Variants in KCNK10 observed in about 807,000 individuals in gnomAD.
KCNK10 encodes potassium channel subfamily K member 10.
A neutral mutation model predicts 47.7 loss-of-function variants in KCNK10; 25 were observed. The ratio of observed to expected loss-of-function variants is 0.52; its 90% confidence interval spans 0.38 to 0.73. KCNK10 has a LOEUF of 0.73. Among genes scored for constraint, KCNK10 ranks in the 30% least tolerant of loss-of-function variants. The pLI, the probability that KCNK10 is intolerant of heterozygous loss-of-function variation, is 0.00. For synonymous variants in KCNK10, 303 were observed against 285.6 expected (o/e 1.06, Z -0.61); for missense variants, 563 against 714.5 (o/e 0.79, Z 2.42).
intron 4 of KCNK10, among the ~76,000 whole-genome samples, chr14:88,195,875 G>A (rs1884895968): frequency 6.6e-6 from 1 of 152,178 alleles, no homozygotes; most frequent in African/African-American, 2.4e-5. Flanking sequence ...CTTACAGAAT[G>A]GAGCTGTGTT....
At chr14:88,297,222 A>G (rs1226921733) in intron 1 of KCNK10, among the ~76,000 whole-genome samples, 1 of 152,244 alleles carries the variant, frequency 6.6e-6, no homozygotes, top group African/African-American at 2.4e-5. Flanking sequence ...TCATTTTAAA[A>G]GGAAAGTTGC....
At chr14:88,206,752 T>C (rs1045896874) in intron 4 of KCNK10, among the ~76,000 whole-genome samples, 2 of 152,376 alleles carry the variant, frequency 1.3e-5, no homozygotes, top group East Asian at 3.9e-4. Context: ...TTACTTTCCA[T>C]TTATTTCTCC....
intron 4 of KCNK10, among the ~76,000 whole-genome samples, chr14:88,212,778 C>T (rs149487725): frequency 1.3e-5 from 2 of 152,336 alleles, no homozygotes; most frequent in African/African-American, 2.4e-5. Context: ...ACAAATGCAG[C>T]TCCTCTCAGA....
chr14:88,287,833 C>T (rs1285329826), intron 1 of KCNK10, among the ~76,000 whole-genome samples: 2 of 151,828 alleles, frequency 1.3e-5, no homozygotes, highest in African/African-American at 4.8e-5. Flanking sequence ...GTATCTTTTT[C>T]GTATAATGAC....
intron 2 of KCNK10, among the ~76,000 whole-genome samples, chr14:88,248,148 C>T (rs1323921857): frequency 6.6e-6 from 1 of 152,164 alleles, no homozygotes; most frequent in Non-Finnish European, 1.5e-5. Flanking sequence ...GCTCTCTCTG[C>T]ACTTGAGATC....
At position 88,269,417 on chromosome 14, in the gene KCNK10, A is replaced by T. The variant is rs116396240; in HGVS notation, c.53-5866T>A. 1.0e-2 allele frequency among the ~76,000 whole-genome samples: 1,516 copies of T among 152,274 alleles called. 25 individuals are homozygous for T. The highest frequency in any genetic ancestry group is 0.035 in the African/African-American group (1,455 of 41,560). On this transcript the variant is annotated intron_variant, in intron 1 of 6. Coordinates refer to ENST00000319231, the MANE Select transcript of KCNK10 (RefSeq NM_138317.3). ...ATGGAAGAATTAACAAAGATCTTAC[A>T]CGTGCATGAAGCTGTTTTTGTTTTG...
chr14:88,255,764 G>A (rs1886937167), intron 2 of KCNK10, among the ~76,000 whole-genome samples: 1 of 152,098 alleles, frequency 6.6e-6, no homozygotes, highest in African/African-American at 2.4e-5. Context: ...GGAGGCTGAG[G>A]CAGGAGGATT....
At chr14:88,188,217 T>A in intron 5 of KCNK10, 108 bp from the exon 6 acceptor site, 1 of 1,332,768 alleles carries the variant, frequency 7.5e-7, no homozygotes. Flanking sequence ...TGTTTAACAC[T>A]CAGCTGTTAG....
chr14:88,270,276 C>T (rs888770704), intron 1 of KCNK10, among the ~76,000 whole-genome samples: 14 of 152,160 alleles, frequency 9.2e-5, no homozygotes, highest in African/African-American at 3.1e-4. Context: ...AGATGAGGAG[C>T]GCAGGATTCC....
At chr14:88,208,447 T>C (rs1457177068) in intron 4 of KCNK10, among the ~76,000 whole-genome samples, 10 of 152,204 alleles carry the variant, frequency 6.6e-5, no homozygotes, top group Non-Finnish European at 1.5e-4. Flanking sequence ...AGACACCTAA[T>C]ATAAATACAG....
intron 1 of KCNK10, among the ~76,000 whole-genome samples, chr14:88,310,241 A>ATATGGTATATGATATACCATATC: frequency 1.1e-4 from 1 of 9,338 alleles, no homozygotes; most frequent in Non-Finnish European, 2.0e-4. Flanking sequence ...TATACCATAT[A>ATATGGTATATGATATACCATATC]AATGATATGC....
intron 2 of KCNK10, among the ~76,000 whole-genome samples, chr14:88,247,162 C>A (rs986865236): frequency 5.9e-5 from 9 of 152,192 alleles, no homozygotes; most frequent in Non-Finnish European, 8.8e-5. Flanking sequence ...ACTTTGAGTT[C>A]TTTTTTCTCT....
At chr14:88,259,216 C>A (rs772873200) in intron 2 of KCNK10, among the ~76,000 whole-genome samples, 2 of 152,212 alleles carry the variant, frequency 1.3e-5, no homozygotes, top group African/African-American at 2.4e-5. Flanking sequence ...TGGACACTTT[C>A]ATCCTTGTGA....
chr14:88,218,537 C>A (rs1885696372), intron 4 of KCNK10, among the ~76,000 whole-genome samples: 1 of 151,312 alleles, frequency 6.6e-6, no homozygotes, highest in South Asian at 2.1e-4. Context: ...TCTGCCATAT[C>A]CTTGGGGCGG....
chr14:88,325,793 T>G (rs537911790), upstream of KCNK10, among the ~76,000 whole-genome samples: 242 of 152,308 alleles, frequency 1.6e-3, 1 homozygote, highest in Non-Finnish European at 2.8e-3. Flanking sequence ...AACTGCACCC[T>G]TAGGATGCAA....
At chr14:88,279,256 C>T (rs1443244517) in intron 1 of KCNK10, among the ~76,000 whole-genome samples, 1 of 152,050 alleles carries the variant, frequency 6.6e-6, no homozygotes, top group South Asian at 2.1e-4. Flanking sequence ...GACATAATTT[C>T]CTTTGAGGTC....
chr14:88,201,614 C>T (rs948628464), intron 4 of KCNK10, among the ~76,000 whole-genome samples: 1 of 151,656 alleles, frequency 6.6e-6, no homozygotes, highest in Non-Finnish European at 1.5e-5. Flanking sequence ...GAGCCGAGAT[C>T]ATGTAACTGC....
intron 1 of KCNK10, among the ~76,000 whole-genome samples, chr14:88,302,120 G>A (rs1166101235): frequency 1.3e-5 from 2 of 152,142 alleles, no homozygotes; most frequent in African/African-American, 4.8e-5. Flanking sequence ...GGCAGGGGTG[G>A]GAAACAGAGG....
In KCNK10 at chr14:88,263,265, C is replaced by T. The variant is rs1887163229; in HGVS notation, c.339G>A (p.Glu113=). The T allele has an allele frequency of 6.2e-7, 1 of 1,614,236 alleles. No homozygotes were observed. Among genetic ancestry groups the T allele is most frequent in the Admixed American group, 1.7e-5 (1 of 60,036 alleles). The change falls in exon 2 of 7, where the codon GAG becomes GAA. Residue 113 remains glutamate, a synonymous_variant. Transcript: ENST00000319231. Reference sequence around the variant, plus strand: ...CATGATCCCGCAGGAATTCCGCCTTCTCCAAGGCGATGGTATTCTTCTGGC... The same window carrying T: ...CATGATCCCGCAGGAATTCCGCCTTTTCCAAGGCGATGGTATTCTTCTGGC... The part of the protein sequence containing the change: ...ESSQKNTIAL[E]KAEFLRDHVC...
Sources: allele counts gnomAD v4.1 joint callset (sites outside exome capture counted in the v4.1 genomes callset), GRCh38; gene constraint gnomAD v4.1.1; transcripts MANE v1.5; gene names NCBI Gene and HGNC (gene_info 2026-07-23, HGNC 2026-07-21).